The following RBKS variants were observed in gnomAD, a reference collection of about 807,000 sequenced individuals.
RBKS encodes ribokinase.
A neutral mutation model predicts 33.9 loss-of-function variants in RBKS; 33 were observed. The observed-to-expected ratio is 0.97, with a 90% CI of 0.74 to 1.30. The LOEUF is 1.30. Ranked by LOEUF, RBKS falls within the 50% of genes most tolerant of loss-of-function variation. RBKS has a pLI of 0.00. For synonymous variants in RBKS, 125 were observed against 143.0 expected, an observed-to-expected ratio of 0.87 and a Z score of 0.90; for missense variants, 361 against 392.6, an observed-to-expected ratio of 0.92 and a Z score of 0.68.
At chr2:27,787,414 A>C (rs1202188523) in intron 7 of RBKS, among the ~76,000 whole-genome samples, 1 of 152,092 alleles carries the variant, frequency 6.6e-6, no homozygotes, top group African/African-American at 2.4e-5. Context: ...GCCTGGGCGA[A>C]AGAGTGAGAT....
At position 27,890,219 on chromosome 2, in the gene RBKS, C is replaced by T. The variant is rs1664701575; in HGVS notation, c.89+38G>A. ...CGCATAGCGCACGGCACGCCTCCTCCCCCGAGCCGCAGACTGAGTAACTGG... is the reference window on the plus strand; with the variant it reads ...CGCATAGCGCACGGCACGCCTCCTCTCCCGAGCCGCAGACTGAGTAACTGG... On this transcript the variant is annotated intron_variant, in intron 1 of 7. Coordinates refer to ENST00000302188, the MANE Select transcript of RBKS (RefSeq NM_022128.3). The surrounding 1 kb of genome is among the most constrained non-coding windows in gnomAD (Gnocchi z 4.8). 1 of 1,596,128 alleles carries T rather than the reference C, an allele frequency of 6.3e-7. No individual in the cohort carries two copies. Among genetic ancestry groups the T allele is most frequent in the African/African-American group, 1.3e-5 (1 of 74,740 alleles).
At chr2:27,851,466 C>T (rs1335357998) in intron 2 of RBKS, among the ~76,000 whole-genome samples, 3 of 152,126 alleles carry the variant, frequency 2.0e-5, no homozygotes, top group Non-Finnish European at 4.4e-5. Flanking sequence ...GATTTGATCA[C>T]ATTAGTTGTC....
rs532936927 is a variant in RBKS at position 27,837,296 on chromosome 2, G to A, written c.515-4519C>T. ...CTCAAAAAACAAAACAAAACAAAACGAAACAAAAAACAAAAAGTCAAAACA... is the reference window on the plus strand; with the variant it reads ...CTCAAAAAACAAAACAAAACAAAACAAAACAAAAAACAAAAAGTCAAAACA... On this transcript the variant is annotated intron_variant, in intron 5 of 7. Coordinates refer to ENST00000302188, the MANE Select transcript of RBKS (RefSeq NM_022128.3). The surrounding 1 kb of genome is among the most constrained non-coding windows in gnomAD (Gnocchi z 4.0). Among the ~76,000 whole-genome samples, 62 of 150,528 alleles carry A rather than the reference G, an allele frequency of 4.1e-4. No individual in the cohort carries two copies. The highest frequency in any genetic ancestry group is 1.2e-3 in the African/African-American group (50 of 40,094).
rs575275567 is a variant in RBKS, at chr2:27,822,818, A to G, written c.795+4749T>C. Among the ~76,000 whole-genome samples the G allele has an allele frequency of 5.3e-5, 8 of 152,348 alleles. No homozygotes were observed. In the East Asian group the frequency reaches 1.5e-3, roughly 29 times the overall value. ...CCTGGCTTTTGTTTGTTCTCAGCTT[A>G]CTTACATACCCATGCGTTATTACAG... On this transcript the variant is annotated intron_variant, in intron 7 of 7. Coordinates refer to ENST00000302188, the MANE Select transcript of RBKS (RefSeq NM_022128.3).
At chr2:27,859,499 T>C (rs1285625677) in intron 1 of RBKS, among the ~76,000 whole-genome samples, 2 of 152,194 alleles carry the variant, frequency 1.3e-5, no homozygotes, top group Non-Finnish European at 2.9e-5. Flanking sequence ...TTATATTTCA[T>C]ATTATTAAAG....
At chr2:27,821,082 T>A (rs1678196112) in intron 7 of RBKS, among the ~76,000 whole-genome samples, 2 of 151,018 alleles carry the variant, frequency 1.3e-5, no homozygotes. Flanking sequence ...ACTGTCAAAT[T>A]TCCCCTCTGG....
chr2:27,867,801 T>C (rs559660451), intron 1 of RBKS, among the ~76,000 whole-genome samples: 42 of 152,124 alleles, frequency 2.8e-4, no homozygotes, highest in African/African-American at 8.7e-4. Flanking sequence ...TATAGGGGAT[T>C]AGGAAGTGGG....
chr2:27,806,665 C>CTTTGCTCAAAAATATT (rs1677901732), intron 7 of RBKS, among the ~76,000 whole-genome samples: 2 of 152,244 alleles, frequency 1.3e-5, no homozygotes, highest in African/African-American at 4.8e-5. Flanking sequence ...TGTATTCTAA[C>CTTTGCTCAAAAATATT]TTTGCTCAAA....
intron 7 of RBKS, chr2:27,810,000 T>G (rs1036557138): frequency 7.7e-7 from 1 of 1,304,192 alleles, no homozygotes; most frequent in African/African-American, 1.5e-5. Context: ...TGTTTCTGCT[T>G]CTTCACACTT....
chr2:27,804,080 A>G (rs1677852243), intron 7 of RBKS, among the ~76,000 whole-genome samples: 2 of 152,178 alleles, frequency 1.3e-5, no homozygotes, highest in Admixed American at 1.3e-4. Context: ...TCAAATGACC[A>G]CTTTCATATG....
intron 4 of RBKS, among the ~76,000 whole-genome samples, chr2:27,846,585 C>T (rs898476551): frequency 3.9e-5 from 6 of 152,202 alleles, no homozygotes; most frequent in East Asian, 1.9e-4. Flanking sequence ...TGAACACTAA[C>T]GATAAGTTGG....
intron 1 of RBKS, among the ~76,000 whole-genome samples, chr2:27,865,574 T>C (rs1256997034): frequency 1.4e-5 from 2 of 140,784 alleles, no homozygotes; most frequent in African/African-American, 2.6e-5. Context: ...CCTCCTCCTT[T>C]TTTTTTTTTT....
At chr2:27,858,828 C>T (rs1663916311) in intron 1 of RBKS, among the ~76,000 whole-genome samples, 2 of 152,172 alleles carry the variant, frequency 1.3e-5, no homozygotes, top group South Asian at 4.1e-4. Context: ...TGTACTGCAT[C>T]AGGGTTATTC....
At chr2:27,871,524 A>G (rs955780462) in intron 1 of RBKS, among the ~76,000 whole-genome samples, 31 of 152,244 alleles carry the variant, frequency 2.0e-4, no homozygotes, top group African/African-American at 7.0e-4. Context: ...CTTTTCAAAG[A>G]AGCTCTCCAG....
chr2:27,789,423 A>T, intron 7 of RBKS, among the ~76,000 whole-genome samples: 1 of 143,794 alleles, frequency 7.0e-6, no homozygotes, highest in African/African-American at 2.6e-5. Flanking sequence ...TTTTTGAGAT[A>T]GGTCTCACTC....
rs1483568624 is a variant in RBKS at position 27,847,050 on chromosome 2, T to C, written c.341A>G (p.Asn114Ser). The C allele has an allele frequency of 8.1e-6, 13 of 1,602,782 alleles. No individual in the cohort carries two copies. The highest frequency in any genetic ancestry group is 1.7e-5 in the Admixed American group (1 of 59,916). ...AATGTASIIV[N>S]NEGQNIIVIV... Reference sequence around the variant, plus strand: ...ATATGCAAAACACTTACCTTCATTATTGACAATTATAGAAGCAGTTCCTGT... The same window carrying C: ...ATATGCAAAACACTTACCTTCATTACTGACAATTATAGAAGCAGTTCCTGT... Residue 114 changes from asparagine (N) to serine (S), a missense_variant, in exon 4 of 8, where the codon AAT becomes AGT. By Grantham distance (46) the Asn-to-Ser change is conservative (BLOSUM62 1). Coordinates refer to ENST00000302188, the MANE Select transcript of RBKS (RefSeq NM_022128.3).
rs779501262 is a variant in RBKS, at chr2:27,781,638, C to A, written c.946G>T (p.Asp316Tyr). ...GTQSSYPYKK[D>Y]LPLTLF ...AATCAAAACAGAGTAAGCGGAAGGTCTTTTTTGTAAGGGTAAGATGACTGT... is the reference window on the plus strand; with the variant it reads ...AATCAAAACAGAGTAAGCGGAAGGTATTTTTTGTAAGGGTAAGATGACTGT... The change falls in exon 8 of 8, where the codon GAC becomes TAC. Residue 316 changes from aspartate (D) to tyrosine (Y), a missense_variant. Asp to Tyr is a radical substitution (Grantham distance 160). Transcript: ENST00000302188. The A allele has an allele frequency of 6.2e-7, 1 of 1,612,348 alleles. No homozygotes were observed. The highest frequency in any genetic ancestry group is 1.1e-5 in the South Asian group (1 of 90,692).
intron 7 of RBKS, among the ~76,000 whole-genome samples, chr2:27,825,064 G>A (rs549073577): frequency 1.3e-5 from 2 of 152,178 alleles, no homozygotes; most frequent in East Asian, 3.9e-4. Context: ...CTGAGCCTGG[G>A]AGGCAGAGGT....
At chr2:27,885,274 T>A (rs1459696629) in intron 1 of RBKS, among the ~76,000 whole-genome samples, 2 of 152,210 alleles carry the variant, frequency 1.3e-5, no homozygotes, top group Non-Finnish European at 2.9e-5. Flanking sequence ...TTGCCTAGAT[T>A]GTTGGGATTG....
Sources: gnomAD v4.1 joint callset for allele counts (sites outside exome capture counted in the v4.1 genomes callset) on GRCh38, gnomAD v4.1.1 for gene constraint, Gnocchi (gnomAD v3.1) non-coding constraint, MANE v1.5 for transcripts, NCBI Gene and HGNC (gene_info 2026-07-23, HGNC 2026-07-21) for gene names.